Variants in SLC7A2 observed in about 807,000 individuals in gnomAD.
SLC7A2 encodes the protein cationic amino acid transporter 2.
Under a neutral mutation model 58.9 loss-of-function variants are expected in SLC7A2, and 48 were observed. That is an observed-to-expected ratio of 0.82 (90% CI 0.65 to 1.04). The LOEUF is 1.04. Ranked by LOEUF, SLC7A2 falls within the 50% of genes least tolerant of loss-of-function variation. The pLI is 0.00. For synonymous variants in SLC7A2, 363 were observed against 314.5 expected, an observed-to-expected ratio of 1.15 and a Z score of -1.63; for missense variants, 1,029 against 818.8, an observed-to-expected ratio of 1.26 and a Z score of -3.13.
chr8:17,556,001 G>T (rs1802684512), intron 8 of SLC7A2, among the ~76,000 whole-genome samples: 2 of 152,174 alleles, frequency 1.3e-5, no homozygotes, highest in African/African-American at 2.4e-5. Flanking sequence ...GAAAAAGCTA[G>T]TGCTTCATTC....
At chr8:17,529,121 G>T (rs925427444) in intron 2 of SLC7A2, among the ~76,000 whole-genome samples, 10 of 152,298 alleles carry the variant, frequency 6.6e-5, no homozygotes, top group African/African-American at 1.9e-4. Context: ...GTTACTGGGG[G>T]ATTGTTAAAT....
intron 2 of SLC7A2, among the ~76,000 whole-genome samples, chr8:17,541,399 G>A (rs1409885124): frequency 6.6e-6 from 1 of 152,212 alleles, no homozygotes. Context: ...AACTGGAGAT[G>A]TCAACGTCTT....
rs1803310155 is a variant in SLC7A2, at chr8:17,567,309, G to A, written c.*2163G>A. 6.6e-6 allele frequency: 1 copy of A among 152,374 alleles called. No individual in the cohort carries two copies. Among genetic ancestry groups the A allele is most frequent in the Admixed American group, 6.5e-5 (1 of 15,278 alleles). 9.4% of individuals were successfully genotyped at this position (152,374 alleles called of 1,614,324 possible). ...GGAAATGTGAACAATTGTTATATAT[G>A]AACACTCAAATCTTTTACTGTAACG... On this transcript the variant is annotated 3_prime_UTR_variant, in exon 13 of 13. Coordinates refer to ENST00000494857, the MANE Select transcript of SLC7A2 (RefSeq NM_001370338.1).
chr8:17,518,568 C>T (rs188824402), intron 2 of SLC7A2, among the ~76,000 whole-genome samples: 25 of 152,276 alleles, frequency 1.6e-4, no homozygotes, highest in Non-Finnish European at 2.9e-4. Context: ...ATGTAAACTT[C>T]GTGTTTGTCT....
At chr8:17,563,919 T>C (rs936614113) in intron 12 of SLC7A2, among the ~76,000 whole-genome samples, 1 of 152,242 alleles carries the variant, frequency 6.6e-6, no homozygotes, top group South Asian at 2.1e-4. Context: ...ATGTAGGCTC[T>C]ATTTCCTTCT....
At chr8:17,517,342 A>G (rs1024915439) in intron 2 of SLC7A2, among the ~76,000 whole-genome samples, 3 of 152,200 alleles carry the variant, frequency 2.0e-5, no homozygotes, top group South Asian at 2.1e-4. Flanking sequence ...TTGTTCTGAA[A>G]TGTGTTTTGA....
Position 17,536,491 on chromosome 8 carries a change from G to A in SLC7A2, c.-22-6827G>A, listed in dbSNP as rs558991160. 5.3e-5 allele frequency among the ~76,000 whole-genome samples: 8 copies of A among 152,242 alleles called. No individual in the cohort carries two copies. The South Asian group carries it at 1.7e-3, about 32-fold the overall frequency. The stretch of plus-strand genomic sequence containing the variant: ...AGGCAGGAGGATCACTTGAACCCGA[G>A]AGGCGGAGGTTGCAGTGAGCCAAGA... On this transcript the variant is annotated intron_variant, in intron 2 of 12. Coordinates refer to ENST00000494857, the MANE Select transcript of SLC7A2 (RefSeq NM_001370338.1).
intron 5 of SLC7A2, 22 bp from the exon 6 acceptor site, chr8:17,550,279 A>T (rs202142338): frequency 1.9e-6 from 3 of 1,609,556 alleles, no homozygotes; most frequent in Non-Finnish European, 2.5e-6. Context: ...TGACTTTCCA[A>T]TGTGTTTGTT....
upstream of SLC7A2, among the ~76,000 whole-genome samples, chr8:17,496,100 C>G (rs936514344): frequency 3.9e-5 from 6 of 152,174 alleles, no homozygotes; most frequent in Non-Finnish European, 7.3e-5. Flanking sequence ...TACTCCAATA[C>G]TATGCAAAGT....
Position 17,544,500 on chromosome 8 carries a change from T to A in SLC7A2, c.426T>A (p.Leu142=). ...RAWSGTFDEL[L]SKQIGQFLRT... ...GGAGTGGCACCTTTGATGAACTTCT[T>A]AGCAAACAGATTGGTCAGTTTTTGA... Residue 142 remains leucine (L), a synonymous_variant, in exon 4 of 13, where the codon CTT becomes CTA. Coordinates refer to ENST00000494857, the MANE Select transcript of SLC7A2 (RefSeq NM_001370338.1). 6.2e-7 allele frequency: 1 copy of A among 1,614,090 alleles called. No homozygotes were observed. The highest frequency in any genetic ancestry group is 8.5e-7 in the Non-Finnish European group (1 of 1,179,936).
chr8:17,564,900 AT>A (rs748819899), intron 12 of SLC7A2, 49 bp from the exon 13 acceptor site: 1 of 1,434,866 alleles, frequency 7.0e-7, no homozygotes, highest in South Asian at 1.4e-5. Context: ...CTTAAAAGTC[AT>A]TTTCTGACAT....
At chr8:17,540,286 G>A (rs149306242) in intron 2 of SLC7A2, among the ~76,000 whole-genome samples, 349 of 152,264 alleles carry the variant, frequency 2.3e-3, no homozygotes, top group Non-Finnish European at 3.5e-3. Context: ...CAGGCTGTGC[G>A]TAGTTGAGAT....
At chr8:17,530,873 G>T (rs75712907) in intron 2 of SLC7A2, among the ~76,000 whole-genome samples, 1,577 of 152,150 alleles carry the variant, frequency 0.01, 27 homozygotes, top group African/African-American at 0.036. Context: ...CATCCAGCCA[G>T]TAAGTAGATT....
chr8:17,552,103 A>G, intron 7 of SLC7A2, 117 bp downstream of exon 7: 2 of 707,486 alleles, frequency 2.8e-6, no homozygotes, highest in Non-Finnish European at 4.8e-6. Flanking sequence ...ATATTATGCA[A>G]CTTTGTATTT....
chr8:17,564,212 C>G (rs184767612), intron 12 of SLC7A2, among the ~76,000 whole-genome samples: 1 of 152,304 alleles, frequency 6.6e-6, no homozygotes, highest in Admixed American at 6.5e-5. Flanking sequence ...TGCAAAATAT[C>G]TGATCTTGAC....
At position 17,543,608 on chromosome 8, in the gene SLC7A2, G is replaced by A. The variant is rs1164261250; in HGVS notation, c.269G>A (p.Gly90Glu). The A allele has an allele frequency of 1.2e-6, 2 of 1,603,612 alleles. No homozygotes were observed. Among genetic ancestry groups the A allele is most frequent in the Non-Finnish European group, 1.7e-6 (2 of 1,174,962 alleles). The change falls in exon 3 of 13, where the codon GGG becomes GAG. Residue 90 changes from glycine to glutamate, a missense_variant. By Grantham distance (98) the Gly-to-Glu change is moderately conservative. Transcript: ENST00000494857. The part of the protein sequence containing the change: ...VMAGLCYAEF[G>E]ARVPKTGSAY... ...GCTGGCCTCTGCTATGCCGAATTTGGGGCCCGTGTTCCCAAGACGGGGTCT... is the reference window on the plus strand; with the variant it reads ...GCTGGCCTCTGCTATGCCGAATTTGAGGCCCGTGTTCCCAAGACGGGGTCT...
chr8:17,496,946 G>A (rs1799974579), upstream of SLC7A2: 1 of 151,486 alleles, frequency 6.6e-6, no homozygotes, highest in African/African-American at 2.4e-5. Context: ...GCCCACCCCG[G>A]GGATTGGTCA....
At position 17,565,254 on chromosome 8, in the gene SLC7A2, C is replaced by T; in HGVS notation, c.*108C>T. 3.7e-6 allele frequency: 3 copies of T among 808,058 alleles called. No individual in the cohort carries two copies. The highest frequency in any genetic ancestry group is 5.4e-5 in the East Asian group (2 of 37,238). The allele number at this position is 808,058 out of a possible 1,614,324, so 50.1% of individuals were successfully genotyped here. ...TGGGTTGTCATGGGTTTGCTGCATA[C>T]ATAGTTCACCCTAATTTATACTTAC... On this transcript the variant is annotated 3_prime_UTR_variant, in exon 13 of 13. Coordinates refer to ENST00000494857, the MANE Select transcript of SLC7A2 (RefSeq NM_001370338.1).
At chr8:17,560,218 T>G in intron 9 of SLC7A2, 110 bp from the exon 10 acceptor site, 1 of 753,640 alleles carries the variant, frequency 1.3e-6, no homozygotes, top group Non-Finnish European at 2.3e-6. Flanking sequence ...GTTGATTTAC[T>G]CTACACACTA....
Sources: gnomAD v4.1 joint callset for allele counts (sites outside exome capture counted in the v4.1 genomes callset) on GRCh38, gnomAD v4.1.1 for gene constraint, MANE v1.5 for transcripts, NCBI Gene and HGNC (gene_info 2026-07-23, HGNC 2026-07-21) for gene names.